Variants in STXBP6 observed in about 807,000 individuals in gnomAD.
STXBP6 encodes the protein syntaxin-binding protein 6.
Under a neutral mutation model 26.9 loss-of-function variants are expected in STXBP6, and 21 were observed. The ratio of observed to expected loss-of-function variants is 0.78; its 90% CI spans 0.55 to 1.12. The LOEUF (loss-of-function observed/expected upper bound fraction) is 1.12. STXBP6 is among the 50% of genes most tolerant of loss of function. STXBP6 has a pLI of 0.00. For missense variants in STXBP6, 232 were observed against 257.9 expected, an observed-to-expected ratio of 0.90 and a Z score of 0.69; for synonymous variants, 97 against 92.6, an observed-to-expected ratio of 1.05 and a Z score of -0.27.
chr14:24,877,266 C>T (rs1390483781), intron 2 of STXBP6, among the ~76,000 whole-genome samples: 1 of 152,176 alleles, frequency 6.6e-6, no homozygotes, highest in African/African-American at 2.4e-5. Context: ...TTTATAAATG[C>T]TGCCAGTGCT....
chr14:24,971,024 C>T (rs1364238975), intron 2 of STXBP6, among the ~76,000 whole-genome samples: 1 of 152,148 alleles, frequency 6.6e-6, no homozygotes, highest in East Asian at 1.9e-4. Flanking sequence ...ACACTCAAAT[C>T]CTATCCCAAG....
chr14:24,949,091 T>C (rs1213886278), intron 2 of STXBP6, among the ~76,000 whole-genome samples: 3 of 152,226 alleles, frequency 2.0e-5, no homozygotes, highest in South Asian at 4.1e-4. Flanking sequence ...TCCAACTGAA[T>C]TGGTACTAAA....
At chr14:24,967,610 A>C (rs1037430238) in intron 2 of STXBP6, among the ~76,000 whole-genome samples, 1 of 152,234 alleles carries the variant, frequency 6.6e-6, no homozygotes, top group African/African-American at 2.4e-5. Flanking sequence ...CAATCAAGGC[A>C]CTGAGAATAA....
rs556873390 is a variant in STXBP6, at chr14:24,972,154, C to G, written c.154+2511G>C. ...TGCTTAAATGTCAGATCTACTTTATCAATCTATCCTCTCAAGATTCAAAAC... is the reference window on the plus strand; with the variant it reads ...TGCTTAAATGTCAGATCTACTTTATGAATCTATCCTCTCAAGATTCAAAAC... On this transcript the variant is annotated intron_variant, in intron 2 of 5. Coordinates refer to ENST00000323944, the MANE Select transcript of STXBP6 (RefSeq NM_001394410.1). Among the ~76,000 whole-genome samples the G allele has an allele frequency of 3.7e-4, 57 of 152,316 alleles. 1 individual carries two copies. Among genetic ancestry groups the G allele is most frequent in the Middle Eastern group, 6.8e-3 (2 of 294 alleles).
chr14:24,912,811 C>T (rs2071622687), intron 2 of STXBP6, among the ~76,000 whole-genome samples: 1 of 152,092 alleles, frequency 6.6e-6, no homozygotes, highest in Non-Finnish European at 1.5e-5. Context: ...GAATATAACA[C>T]TACTTTTTAA....
intron 4 of STXBP6, among the ~76,000 whole-genome samples, chr14:24,836,517 T>G (rs1416346889): frequency 1.4e-5 from 2 of 141,684 alleles, no homozygotes; most frequent in Non-Finnish European, 3.0e-5. Flanking sequence ...AAGAATTGCT[T>G]GAACCCAGGG....
chr14:24,866,750 G>A (rs1594995909), intron 2 of STXBP6, among the ~76,000 whole-genome samples: 1 of 150,824 alleles, frequency 6.6e-6, no homozygotes, highest in African/African-American at 2.4e-5. Context: ...TCTGTCCACA[G>A]GAATACTCTA....
At chr14:24,956,360 T>C (rs568883988) in intron 2 of STXBP6, among the ~76,000 whole-genome samples, 1 of 152,278 alleles carries the variant, frequency 6.6e-6, no homozygotes, top group South Asian at 2.1e-4. Context: ...CACTACTAAG[T>C]TCTCAGACGA....
At chr14:24,896,141 A>C (rs949647335) in intron 2 of STXBP6, among the ~76,000 whole-genome samples, 1 of 152,254 alleles carries the variant, frequency 6.6e-6, no homozygotes, top group Non-Finnish European at 1.5e-5. Context: ...TCAGCCTTCC[A>C]GATGAATTCT....
chr14:24,861,178 T>C (rs1195636441), intron 2 of STXBP6, among the ~76,000 whole-genome samples: 1 of 152,162 alleles, frequency 6.6e-6, no homozygotes, highest in African/African-American at 2.4e-5. Flanking sequence ...TGCAGCCCTA[T>C]TTTGACCTTA....
At chr14:25,034,200 A>G (rs2075511944) in intron 1 of STXBP6, among the ~76,000 whole-genome samples, 2 of 152,144 alleles carry the variant, frequency 1.3e-5, no homozygotes, top group Non-Finnish European at 2.9e-5. Flanking sequence ...TGAAAGAAAA[A>G]CCAACTAAAC....
chr14:24,875,246 GC>G (rs1315364251), intron 2 of STXBP6, among the ~76,000 whole-genome samples: 1 of 152,054 alleles, frequency 6.6e-6, no homozygotes, highest in African/African-American at 2.4e-5. Context: ...CCCTAAGAGC[GC>G]CCTCACAATT....
intron 2 of STXBP6, among the ~76,000 whole-genome samples, chr14:24,953,253 G>A (rs183295680): frequency 3.9e-4 from 59 of 152,290 alleles, no homozygotes; most frequent in African/African-American, 1.0e-3. Flanking sequence ...GCATGTAGGC[G>A]CAGCAGGATG....
At chr14:24,938,989 T>C (rs1320800281) in intron 2 of STXBP6, among the ~76,000 whole-genome samples, 1 of 151,820 alleles carries the variant, frequency 6.6e-6, no homozygotes. Context: ...AACCTAAAAC[T>C]GAAAAATAAT....
At chr14:24,882,003 T>C (rs1012317407) in intron 2 of STXBP6, among the ~76,000 whole-genome samples, 1 of 152,126 alleles carries the variant, frequency 6.6e-6, no homozygotes, top group African/African-American at 2.4e-5. Flanking sequence ...CTCCTCTCAC[T>C]ATCACATCTT....
chr14:24,823,107 G>A (rs1168898003), intron 4 of STXBP6, among the ~76,000 whole-genome samples: 1 of 152,134 alleles, frequency 6.6e-6, no homozygotes, highest in Non-Finnish European at 1.5e-5. Flanking sequence ...AGTCTCTGGA[G>A]ATAGAGCAGA....
rs554091894 is a variant in STXBP6 at position 25,005,028 on chromosome 14, T to C, written c.-32-30178A>G. Reference sequence around the variant, plus strand: ...ACTTACCACACAGTCACAGTATTAGTCAGGAAAGACTAGTCACTGCGGGAG... The same window carrying C: ...ACTTACCACACAGTCACAGTATTAGCCAGGAAAGACTAGTCACTGCGGGAG... On this transcript the variant is annotated intron_variant, in intron 1 of 5. Transcript: ENST00000323944. Among the ~76,000 whole-genome samples the C allele has an allele frequency of 2.6e-5, 4 of 152,256 alleles. No individual in the cohort carries two copies. The South Asian group carries it at 8.3e-4, about 32-fold the overall frequency.
chr14:25,019,789 G>GT (rs2075227927), intron 1 of STXBP6, among the ~76,000 whole-genome samples: 1 of 151,360 alleles, frequency 6.6e-6, no homozygotes. Flanking sequence ...TGACTAGGCA[G>GT]TAAGGATTTT....
At chr14:25,013,005 T>C (rs925059525) in intron 1 of STXBP6, among the ~76,000 whole-genome samples, 3 of 152,138 alleles carry the variant, frequency 2.0e-5, no homozygotes, top group Non-Finnish European at 4.4e-5. Context: ...GGTGGGAGGA[T>C]TGCTTGAACC....
Sources: allele counts gnomAD v4.1 joint callset (sites outside exome capture counted in the v4.1 genomes callset), GRCh38; gene constraint gnomAD v4.1.1; transcripts MANE v1.5; gene names NCBI Gene and HGNC (gene_info 2026-07-23, HGNC 2026-07-21).